The following TMEM132E variants were observed in gnomAD, a reference collection of about 807,000 sequenced individuals.
TMEM132E encodes transmembrane protein 132E.
Under a neutral mutation model 78.5 loss-of-function variants are expected in TMEM132E, and 49 were observed. The ratio of observed to expected loss-of-function variants is 0.62; its 90% CI spans 0.50 to 0.79. The LOEUF (loss-of-function observed/expected upper bound fraction) is 0.79, where lower values mean the gene tolerates loss of function less well. Among genes scored for constraint, TMEM132E ranks in the 30% least tolerant of loss-of-function variants. TMEM132E has a pLI of 0.00. For missense variants in TMEM132E, 1,403 were observed against 1,470.9 expected (o/e 0.95, Z 0.75); for synonymous variants, 715 against 670.6 (o/e 1.07, Z -1.02).
intron 1 of TMEM132E, among the ~76,000 whole-genome samples, chr17:34,589,550 A>T (rs1259311598): frequency 1.3e-5 from 2 of 152,170 alleles, no homozygotes; most frequent in African/African-American, 2.4e-5. Flanking sequence ...GGCCTGTCTG[A>T]TCTTACACCA....
At chr17:34,603,471 T>C (rs1435452387) in intron 1 of TMEM132E, among the ~76,000 whole-genome samples, 3 of 152,180 alleles carry the variant, frequency 2.0e-5, no homozygotes, top group Admixed American at 2.0e-4. Context: ...AACTGAGCAC[T>C]GTTTTCCTAG....
intron 1 of TMEM132E, among the ~76,000 whole-genome samples, chr17:34,581,849 C>G (rs1254735701): frequency 6.6e-6 from 1 of 151,892 alleles, no homozygotes; most frequent in Non-Finnish European, 1.5e-5. Flanking sequence ...CCCCGGGCTC[C>G]GCGGTAAAGG....
At chr17:34,602,855 C>T (rs571041787) in intron 1 of TMEM132E, among the ~76,000 whole-genome samples, 12 of 152,288 alleles carry the variant, frequency 7.9e-5, no homozygotes, top group Admixed American at 3.3e-4. Context: ...GGACCATTGG[C>T]GCCAAGGGCA....
At chr17:34,627,469 T>TGTGTGCGCGCGCGC (rs1292354113) in intron 2 of TMEM132E, among the ~76,000 whole-genome samples, 1 of 112,028 alleles carries the variant, frequency 8.9e-6, no homozygotes, top group African/African-American at 3.0e-5. Context: ...AAAAGAATCG[T>TGTGTGCGCGCGCGC]GTGTGTGTGT....
At chr17:34,613,211 A>ACGCGCGCGCGCGCGCGCGCG (rs1555563343) in intron 1 of TMEM132E, among the ~76,000 whole-genome samples, 3 of 115,854 alleles carry the variant, frequency 2.6e-5, no homozygotes, top group Non-Finnish European at 5.5e-5. Flanking sequence ...ACACACACAC[A>ACGCGCGCGCGCGCGCGCGCG]CGCGCGCGCG....
At chr17:34,601,399 C>G (rs1449509755) in intron 1 of TMEM132E, among the ~76,000 whole-genome samples, 1 of 152,226 alleles carries the variant, frequency 6.6e-6, no homozygotes, top group Non-Finnish European at 1.5e-5. Flanking sequence ...ACTGCCCTGT[C>G]CCAGGCTGGG....
Position 34,637,519 on chromosome 17 carries a change from G to C in TMEM132E, c.2512G>C (p.Glu838Gln). 6.2e-7 allele frequency: 1 copy of C among 1,601,446 alleles called. No homozygotes were observed. Among genetic ancestry groups the C allele is most frequent in the South Asian group, 1.1e-5 (1 of 90,428 alleles). ...ACCAGGGCCCGGCGGGGGCGAGGAC[G>C]AGGCCCGGGGAGCTGGCCCGCCGGG... is the stretch of plus-strand genomic sequence containing the variant. ...SQPGPGGGED[E>Q]ARGAGPPGSA... Residue 838 changes from glutamate (E) to glutamine (Q), a missense_variant, in exon 9 of 9, where the codon GAG becomes CAG. Around this residue, in one of 3 missense-constraint regions of TMEM132E, gnomAD observed 888 missense variants for 952.8 expected, o/e 0.93. Coordinates refer to ENST00000631683, the MANE Select transcript of TMEM132E (RefSeq NM_001304438.2).
rs1220875538 is a variant in TMEM132E, at chr17:34,580,877, G to C, written c.-200G>C. ...TCCCGCCCGGAGCTGCGCCCCCACC[G>C]GCTCCGAGGGTGTAGCCGCCAGCGC... On this transcript the variant is annotated 5_prime_UTR_variant, in exon 1 of 9. Transcript: ENST00000631683. The C allele has an allele frequency of 8.7e-6, 4 of 460,598 alleles. No individual in the cohort carries two copies. The East Asian group carries it at 1.1e-4, about 12-fold the overall frequency. 28.5% of individuals were successfully genotyped at this position (460,598 alleles called of 1,614,324 possible).
chr17:34,614,504 T>C (rs913213179), intron 1 of TMEM132E: 4 of 152,226 alleles, frequency 2.6e-5, no homozygotes, highest in East Asian at 1.9e-4. Flanking sequence ...AAAGCCTTTC[T>C]TGTCTTCATA....
At chr17:34,624,637 G>A (rs1346342616) in intron 1 of TMEM132E, among the ~76,000 whole-genome samples, 1 of 152,196 alleles carries the variant, frequency 6.6e-6, no homozygotes, top group Non-Finnish European at 1.5e-5. Flanking sequence ...GCAGCCGTGA[G>A]TGTGAAGGTG....
chr17:34,633,516 A>G (rs1450386312), intron 6 of TMEM132E, among the ~76,000 whole-genome samples: 1 of 152,202 alleles, frequency 6.6e-6, no homozygotes, highest in Non-Finnish European at 1.5e-5. Flanking sequence ...GGGCACATAC[A>G]TGTGTACTCA....
intron 1 of TMEM132E, among the ~76,000 whole-genome samples, chr17:34,594,576 C>T (rs575240395): frequency 6.6e-6 from 1 of 152,294 alleles, no homozygotes; most frequent in South Asian, 2.1e-4. Flanking sequence ...CAAATAGACA[C>T]TCGCTATTGT....
chr17:34,637,013 AG>A (rs1282671769), intron 8 of TMEM132E, among the ~76,000 whole-genome samples, 163 bp from the exon 9 acceptor site: 3 of 152,160 alleles, frequency 2.0e-5, no homozygotes, highest in Admixed American at 2.0e-4. Context: ...CTTGAACAGT[AG>A]TTCCTGAATG....
rs1318976644 is a variant in TMEM132E, at chr17:34,637,381, A to C, written c.2374A>C (p.Ser792Arg). ...TCGCGCAGAGCTAACCATCGCTGAG[A>C]GCTGCCAGAAAACCAAACGCAAGAG... ...LLRAELTIAE[S>R]CQKTKRKSVL... Residue 792 changes from serine (S) to arginine (R), a missense_variant, in exon 9 of 9, where the codon AGC (serine) becomes CGC (arginine). By Grantham distance (110) the Ser-to-Arg change is moderately radical (BLOSUM62 -1). This residue lies in a region of TMEM132E where 888 missense variants were observed against 952.8 expected (regional missense o/e 0.93). Coordinates refer to ENST00000631683, the MANE Select transcript of TMEM132E (RefSeq NM_001304438.2). 1 of 1,613,924 alleles carries C rather than the reference A, an allele frequency of 6.2e-7. No homozygotes were observed. Among genetic ancestry groups the C allele is most frequent in the East Asian group, 2.2e-5 (1 of 44,880 alleles).
intron 5 of TMEM132E, among the ~76,000 whole-genome samples, chr17:34,632,398 G>A (rs527483109): frequency 1.3e-5 from 2 of 152,362 alleles, no homozygotes; most frequent in East Asian, 3.9e-4. Context: ...CCTCACCCTG[G>A]AGCGTCCTCC....
chr17:34,619,537 A>T (rs1361597628), intron 1 of TMEM132E, among the ~76,000 whole-genome samples: 3 of 151,886 alleles, frequency 2.0e-5, no homozygotes, highest in Admixed American at 1.3e-4. Context: ...TTTCACATCT[A>T]CATGGGCCAG....
intron 1 of TMEM132E, among the ~76,000 whole-genome samples, chr17:34,624,213 G>A (rs1171899104): frequency 1.3e-5 from 2 of 152,242 alleles, no homozygotes; most frequent in South Asian, 2.1e-4. Flanking sequence ...CCGCTTTTGC[G>A]AGGAACTGGA....
At chr17:34,597,267 G>T (rs980138143) in intron 1 of TMEM132E, among the ~76,000 whole-genome samples, 7 of 152,218 alleles carry the variant, frequency 4.6e-5, no homozygotes, top group African/African-American at 1.4e-4. Flanking sequence ...TAGAGGCTGT[G>T]CCTGCCCCAA....
intron 1 of TMEM132E, among the ~76,000 whole-genome samples, chr17:34,593,799 C>CT (rs897280821): frequency 6.6e-6 from 1 of 152,252 alleles, no homozygotes; most frequent in African/African-American, 2.4e-5. Flanking sequence ...AACCACCTCA[C>CT]TGAGAGTGAG....
Sources: gnomAD v4.1 joint callset for allele counts (sites outside exome capture counted in the v4.1 genomes callset) on GRCh38, gnomAD v4.1.1 for gene constraint, gnomAD v4.1.1 regional missense constraint, MANE v1.5 for transcripts, NCBI Gene and HGNC (gene_info 2026-07-23, HGNC 2026-07-21) for gene names.